ASB18: variants seen among roughly 807,000 people sequenced by gnomAD.
ASB18 encodes the protein ankyrin repeat and SOCS box protein 18.
Under a neutral mutation model 33.4 loss-of-function variants are expected in ASB18, and 33 were observed. The ratio of observed to expected loss-of-function variants is 0.99; its 90% CI spans 0.75 to 1.32. The LOEUF (loss-of-function observed/expected upper bound fraction) is 1.32. Ranked by LOEUF, ASB18 falls within the 40% of genes most tolerant of loss-of-function variation. The pLI is 0.00. For synonymous variants in ASB18, 295 were observed against 307.6 expected, an observed-to-expected ratio of 0.96 and a Z score of 0.43; for missense variants, 694 against 655.5, an observed-to-expected ratio of 1.06 and a Z score of -0.64.
Position 236,211,123 on chromosome 2 carries a change from G to A in ASB18, c.1101+3239C>T, listed in dbSNP as rs1344246602. Among the ~76,000 whole-genome samples the A allele has an allele frequency of 6.6e-6, 1 of 152,214 alleles. No homozygotes were observed. Among genetic ancestry groups the A allele is most frequent in the Non-Finnish European group, 1.5e-5 (1 of 68,040 alleles). On this transcript the variant is annotated intron_variant, in intron 4 of 5. Coordinates refer to ENST00000409749, the MANE Select transcript of ASB18 (RefSeq NM_212556.4). This position sits in a 1 kb window ranked among gnomAD's most constrained non-coding sequence, Gnocchi z 5.0. ...CCAGCCCAAAAAGTCACCTGTGGCA[G>A]ATGCCAAACAAGTTCAGGTCCACGT...
rs548524541 is a variant in ASB18 at position 236,218,119 on chromosome 2, G to A, written c.597-3253C>T. ...CTGGGTAATGGCCAGGCTTTTCCAC[G>A]TGCACAGCCTAGCTGGCTAATGGCC... On this transcript the variant is annotated intron_variant, in intron 3 of 5. Coordinates refer to ENST00000409749, the MANE Select transcript of ASB18 (RefSeq NM_212556.4). Among the ~76,000 whole-genome samples, 161 of 152,222 alleles carry A rather than the reference G, an allele frequency of 1.1e-3. No individual in the cohort carries two copies. In the South Asian group the frequency reaches 0.013, roughly 12 times the overall value.
At chr2:236,230,967 G>A (rs1322691108) in intron 3 of ASB18, among the ~76,000 whole-genome samples, 1 of 151,970 alleles carries the variant, frequency 6.6e-6, no homozygotes, top group East Asian at 1.9e-4. Context: ...CTGCCTACAA[G>A]AAGCCCACTT....
In ASB18 at chr2:236,193,955, G is replaced by C. The variant is rs1223700060; in HGVS notation, c.*917C>G. Reference sequence around the variant, plus strand: ...GGTGGGTGGGTGTGGGGGTGTGTGAGCACCCTGCGATGGAATAGCACCCCG... The same window carrying C: ...GGTGGGTGGGTGTGGGGGTGTGTGACCACCCTGCGATGGAATAGCACCCCG... On this transcript the variant is annotated 3_prime_UTR_variant, in exon 6 of 6. Coordinates refer to ENST00000409749, the MANE Select transcript of ASB18 (RefSeq NM_212556.4). The surrounding 1 kb of genome is among the most constrained non-coding windows in gnomAD (Gnocchi z 5.0). Among the ~76,000 whole-genome samples the C allele has an allele frequency of 6.6e-6, 1 of 152,088 alleles. No individual in the cohort carries two copies. The highest frequency in any genetic ancestry group is 1.5e-5 in the Non-Finnish European group (1 of 68,016).
In ASB18 at chr2:236,194,765, G is replaced by T. The variant is rs1457296164; in HGVS notation, c.*107C>A. ...ACCCGGTCCCACGGAGAGCAAGTGGGAAGGGAACTCCCATCACCTCCATCT... is the reference window on the plus strand; with the variant it reads ...ACCCGGTCCCACGGAGAGCAAGTGGTAAGGGAACTCCCATCACCTCCATCT... On this transcript the variant is annotated 3_prime_UTR_variant, in exon 6 of 6. Transcript: ENST00000409749. This position sits in a 1 kb window ranked among gnomAD's most constrained non-coding sequence, Gnocchi z 4.5. 4 of 974,496 alleles carry T rather than the reference G, an allele frequency of 4.1e-6. No homozygotes were observed. Among genetic ancestry groups the T allele is most frequent in the Admixed American group, 2.7e-5 (1 of 37,570 alleles). 60.4% of individuals were successfully genotyped at this position (974,496 alleles called of 1,614,324 possible). A position where few individuals can be genotyped will look rare whatever the true frequency, so the allele number is the denominator to read the frequency against.
chr2:236,232,250 A>G (rs1438017982), intron 3 of ASB18, among the ~76,000 whole-genome samples: 1 of 112,594 alleles, frequency 8.9e-6, no homozygotes, highest in Non-Finnish European at 1.8e-5. Context: ...ACTTCTATAT[A>G]ACCCATGACT....
chr2:236,214,441 A>C lies in ASB18; in HGVS notation c.1022T>G (p.Leu341Arg), dbSNP rs763082181. ...CACCGTGCGCTGCGGTGAGGCCTGG[A>C]GAGCGCAGGATGCGGTCTGGAGCAC... is the stretch of plus-strand genomic sequence containing the variant. ...GRVLQTASCALQASPQRTVQA... is the reference protein window; with the variant it reads ...GRVLQTASCARQASPQRTVQA... Residue 341 changes from leucine (L) to arginine (R), a missense_variant, in exon 4 of 6, where the codon CTC (leucine) becomes CGC (arginine). By Grantham distance (102) the Leu-to-Arg change is moderately radical. Coordinates refer to ENST00000409749, the MANE Select transcript of ASB18 (RefSeq NM_212556.4). This position sits in a 1 kb window ranked among gnomAD's most constrained non-coding sequence, Gnocchi z 6.5. The C allele has an allele frequency of 2.2e-5, 34 of 1,546,740 alleles. 1 individual carries two copies. The highest frequency in any genetic ancestry group is 5.7e-5 in the Admixed American group (3 of 52,538).
At position 236,244,283 on chromosome 2, in the gene ASB18, G is replaced by A. The variant is rs1329175744; in HGVS notation, c.206-2881C>T. On this transcript the variant is annotated intron_variant, in intron 1 of 5. Coordinates refer to ENST00000409749, the MANE Select transcript of ASB18 (RefSeq NM_212556.4). The surrounding 1 kb of genome is among the most constrained non-coding windows in gnomAD (Gnocchi z 6.1). ...GGAGGGAGGTGAAAGGGTCAGGAGGGCTTTGCCTGGATGAGCAGAGAGAAG... is the reference window on the plus strand; with the variant it reads ...GGAGGGAGGTGAAAGGGTCAGGAGGACTTTGCCTGGATGAGCAGAGAGAAG... Among the ~76,000 whole-genome samples, 1 of 152,212 alleles carries A rather than the reference G, an allele frequency of 6.6e-6. No homozygotes were observed.
chr2:236,258,130 C>T (rs781338872), intron 1 of ASB18, among the ~76,000 whole-genome samples: 1 of 152,220 alleles, frequency 6.6e-6, no homozygotes, highest in South Asian at 2.1e-4. Flanking sequence ...CTGGTATCCT[C>T]GCTGCCTACT....
At chr2:236,261,749 C>T (rs1449093353) in intron 1 of ASB18, among the ~76,000 whole-genome samples, 8 of 152,174 alleles carry the variant, frequency 5.3e-5, no homozygotes, top group Non-Finnish European at 7.3e-5. Context: ...TGAGGTTTAA[C>T]GGACTCACAG....
At chr2:236,230,816 T>C (rs2060560523) in intron 3 of ASB18, among the ~76,000 whole-genome samples, 1 of 151,816 alleles carries the variant, frequency 6.6e-6, no homozygotes, top group East Asian at 1.9e-4. Flanking sequence ...GAACAAATAA[T>C]AGATGAACCA....
At chr2:236,201,139 C>A (rs75002897) in intron 4 of ASB18, among the ~76,000 whole-genome samples, 7 of 150,832 alleles carry the variant, frequency 4.6e-5, no homozygotes, top group Non-Finnish European at 1.0e-4. Context: ...TCCTTCCCTC[C>A]TTCCTTCCTT....
At position 236,264,079 on chromosome 2, in the gene ASB18, G is replaced by C. The variant is rs2060734161; in HGVS notation, c.205+62C>G. 5 of 1,471,874 alleles carry C rather than the reference G, an allele frequency of 3.4e-6. No homozygotes were observed. The Admixed American group carries it at 9.0e-5, about 27-fold the overall frequency. 91.2% of individuals were successfully genotyped at this position (1,471,874 alleles called of 1,614,324 possible). A position where few individuals can be genotyped will look rare whatever the true frequency, so the allele number is the denominator to read the frequency against. ...ATTTGCCCCTCTACCTCCAGGATCTGCCCACCCCATCAGTGTAACTTAGTA... is the reference window on the plus strand; with the variant it reads ...ATTTGCCCCTCTACCTCCAGGATCTCCCCACCCCATCAGTGTAACTTAGTA... On this transcript the variant is annotated intron_variant, in intron 1 of 5. Transcript: ENST00000409749. This position sits in a 1 kb window ranked among gnomAD's most constrained non-coding sequence, Gnocchi z 5.1.
rs2060504316 is a variant in ASB18, at chr2:236,220,175, G to A, written c.597-5309C>T. 1.3e-5 allele frequency among the ~76,000 whole-genome samples: 2 copies of A among 152,132 alleles called. No individual in the cohort carries two copies. Among genetic ancestry groups the A allele is most frequent in the Non-Finnish European group, 2.9e-5 (2 of 68,016 alleles). On this transcript the variant is annotated intron_variant, in intron 3 of 5. Coordinates refer to ENST00000409749, the MANE Select transcript of ASB18 (RefSeq NM_212556.4). This position sits in a 1 kb window ranked among gnomAD's most constrained non-coding sequence, Gnocchi z 5.1. ...ATTCCAATTCATGTCTATGGGGTGG[G>A]GGGATGTGGGACTTTGGCCACTCCC...
Position 236,196,019 on chromosome 2 carries a change from C to T in ASB18, c.1215+253G>A, listed in dbSNP as rs772914907. 1.4e-4 allele frequency: 70 copies of T among 503,848 alleles called. No individual in the cohort carries two copies. The highest frequency in any genetic ancestry group is 2.2e-4 in the Non-Finnish European group (59 of 272,762). 31.2% of individuals were successfully genotyped at this position (503,848 alleles called of 1,614,324 possible). A position where few individuals can be genotyped will look rare whatever the true frequency, so the allele number is the denominator to read the frequency against. On this transcript the variant is annotated intron_variant, in intron 5 of 5. Coordinates refer to ENST00000409749, the MANE Select transcript of ASB18 (RefSeq NM_212556.4). This position sits in a 1 kb window ranked among gnomAD's most constrained non-coding sequence, Gnocchi z 5.6. ...TTGGACACTGGTTAAGGAACCCTCG[C>T]GCTTTTCAGGCCAGCACGGGGCTCT...
intron 1 of ASB18, chr2:236,247,404 A>C (rs1362594463): frequency 2.0e-5 from 3 of 152,142 alleles, no homozygotes; most frequent in Non-Finnish European, 4.4e-5. Flanking sequence ...AAAACCTAAC[A>C]ATACCCCTGC....
In ASB18 at chr2:236,209,997, C is replaced by A. The variant is rs933849823; in HGVS notation, c.1101+4365G>T. Among the ~76,000 whole-genome samples the A allele has an allele frequency of 6.6e-6, 1 of 152,218 alleles. No homozygotes were observed. The highest frequency in any genetic ancestry group is 1.5e-5 in the Non-Finnish European group (1 of 68,038). ...CTCACTCATCACACACTTGAGGGAGCCTTGGACCCTGCCCCCCAGCCAGGT... is the reference window on the plus strand; with the variant it reads ...CTCACTCATCACACACTTGAGGGAGACTTGGACCCTGCCCCCCAGCCAGGT... On this transcript the variant is annotated intron_variant, in intron 4 of 5. Coordinates refer to ENST00000409749, the MANE Select transcript of ASB18 (RefSeq NM_212556.4). The surrounding 1 kb of genome is among the most constrained non-coding windows in gnomAD (Gnocchi z 4.4).
At position 236,221,459 on chromosome 2, in the gene ASB18, G is replaced by C. The variant is rs1274741065; in HGVS notation, c.597-6593C>G. 6.6e-6 allele frequency among the ~76,000 whole-genome samples: 1 copy of C among 152,032 alleles called. No homozygotes were observed. Among genetic ancestry groups the C allele is most frequent in the African/African-American group, 2.4e-5 (1 of 41,372 alleles). ...CCCGGTGGGAGATAATTGAATCATG[G>C]GGGTGGTTTCCTTCATACTGTTCTC... On this transcript the variant is annotated intron_variant, in intron 3 of 5. Coordinates refer to ENST00000409749, the MANE Select transcript of ASB18 (RefSeq NM_212556.4). The surrounding 1 kb of genome is among the most constrained non-coding windows in gnomAD (Gnocchi z 5.6).
rs1000495722 is a variant in ASB18 at position 236,222,494 on chromosome 2, G to A, written c.597-7628C>T. Among the ~76,000 whole-genome samples the A allele has an allele frequency of 6.6e-6, 1 of 152,206 alleles. No individual in the cohort carries two copies. Among genetic ancestry groups the A allele is most frequent in the Non-Finnish European group, 1.5e-5 (1 of 68,024 alleles). ...ATGGAAACTTGGCAAACTGAAAAAT[G>A]ATTTAGTGAACAAGATTTGTACAGT... is the stretch of plus-strand genomic sequence containing the variant. On this transcript the variant is annotated intron_variant, in intron 3 of 5. Transcript: ENST00000409749. The surrounding 1 kb of genome is among the most constrained non-coding windows in gnomAD (Gnocchi z 5.5).
chr2:236,194,049 T>C lies in ASB18; in HGVS notation c.*823A>G, dbSNP rs925817668. Reference sequence around the variant, plus strand: ...ACTCTGGCCACGCACGACCCTGAACTAGAATAAGCACATTAGAATATGAAT... The same window carrying C: ...ACTCTGGCCACGCACGACCCTGAACCAGAATAAGCACATTAGAATATGAAT... On this transcript the variant is annotated 3_prime_UTR_variant, in exon 6 of 6. Coordinates refer to ENST00000409749, the MANE Select transcript of ASB18 (RefSeq NM_212556.4). The surrounding 1 kb of genome is among the most constrained non-coding windows in gnomAD (Gnocchi z 4.5). 2.0e-5 allele frequency among the ~76,000 whole-genome samples: 3 copies of C among 150,450 alleles called. No individual in the cohort carries two copies. Among genetic ancestry groups the C allele is most frequent in the African/African-American group, 7.5e-5 (3 of 39,766 alleles).
Sources: allele counts gnomAD v4.1 joint callset (sites outside exome capture counted in the v4.1 genomes callset), GRCh38; gene constraint gnomAD v4.1.1; non-coding constraint Gnocchi (gnomAD v3.1); transcripts MANE v1.5; gene names NCBI Gene and HGNC (gene_info 2026-07-23, HGNC 2026-07-21).